The following CSMD1 variants were observed in gnomAD, a reference collection of about 807,000 sequenced individuals.
CSMD1 encodes the protein CUB and Sushi multiple domains 1, also known as CUB and sushi domain-containing protein 1.
In CSMD1, 213 loss-of-function variants were observed where a neutral mutation model predicts 417.5. That is an observed-to-expected ratio of 0.51 (90% CI 0.46 to 0.57). CSMD1 has a LOEUF of 0.57. Ranked by LOEUF, CSMD1 falls within the 20% of genes least tolerant of loss-of-function variation. The pLI is 0.00. For missense variants in CSMD1, 6,923 were observed against 4,529.7 expected, an observed-to-expected ratio of 1.53 and a Z score of -15.17; for synonymous variants, 2,862 against 1,736.8, an observed-to-expected ratio of 1.65 and a Z score of -16.11.
chr8:3,797,390 T>G (rs113074246), intron 5 of CSMD1, among the ~76,000 whole-genome samples: 2 of 151,976 alleles, frequency 1.3e-5, no homozygotes, highest in Admixed American at 6.6e-5. Context: ...ATAAAACATT[T>G]TCATCAATAT....
At chr8:4,578,040 A>G (rs1799219836) in intron 2 of CSMD1, among the ~76,000 whole-genome samples, 1 of 152,152 alleles carries the variant, frequency 6.6e-6, no homozygotes, top group African/African-American at 2.4e-5. Flanking sequence ...AGGACTGTGT[A>G]CTCATTAATG....
At chr8:4,550,120 C>T (rs562520360) in intron 2 of CSMD1, among the ~76,000 whole-genome samples, 1 of 151,724 alleles carries the variant, frequency 6.6e-6, no homozygotes, top group Non-Finnish European at 1.5e-5. Flanking sequence ...GACTTTTCCC[C>T]AGTTCTCCTT....
chr8:4,462,075 G>A (rs181690350), intron 2 of CSMD1, among the ~76,000 whole-genome samples: 2 of 151,626 alleles, frequency 1.3e-5, no homozygotes, highest in African/African-American at 4.8e-5. Flanking sequence ...AAGTCTCACT[G>A]TGTTGCACAG....
At chr8:3,122,001 T>A (rs1585405399) in intron 41 of CSMD1, among the ~76,000 whole-genome samples, 1 of 152,276 alleles carries the variant, frequency 6.6e-6, no homozygotes, top group Admixed American at 6.5e-5. Flanking sequence ...AAAATGTAAT[T>A]GCGGTTTTTG....
At chr8:3,317,003 G>A (rs533489364) in intron 23 of CSMD1, among the ~76,000 whole-genome samples, 2 of 152,238 alleles carry the variant, frequency 1.3e-5, no homozygotes, top group African/African-American at 2.4e-5. Context: ...GTGTGTGCGT[G>A]GATGAAGCAT....
intron 5 of CSMD1, among the ~76,000 whole-genome samples, chr8:3,957,070 C>CG (rs1161404711): frequency 5.9e-5 from 9 of 152,020 alleles, no homozygotes; most frequent in Non-Finnish European, 1.0e-4. Flanking sequence ...ACAAAAACGC[C>CG]GGGGGAGGCT....
intron 49 of CSMD1, among the ~76,000 whole-genome samples, chr8:3,072,527 T>C (rs1352390063): frequency 6.6e-6 from 1 of 152,170 alleles, no homozygotes; most frequent in Non-Finnish European, 1.5e-5. Context: ...ATGGTCAAAA[T>C]ACTTGGAAGA....
At chr8:3,229,455 G>T (rs993374250) in intron 27 of CSMD1, among the ~76,000 whole-genome samples, 5 of 152,056 alleles carry the variant, frequency 3.3e-5, no homozygotes, top group Non-Finnish European at 1.5e-5. Flanking sequence ...GTGATAAATT[G>T]TCTCAGGTGG....
Position 3,685,741 on chromosome 8 carries a change from A to G in CSMD1, c.1009+22673T>C, listed in dbSNP as rs548990646. 1.4e-4 allele frequency among the ~76,000 whole-genome samples: 21 copies of G among 150,696 alleles called. No homozygotes were observed. In the East Asian group the frequency reaches 3.1e-3, roughly 23 times the overall value. On this transcript the variant is annotated intron_variant, in intron 7 of 69. Transcript: ENST00000635120. The stretch of plus-strand genomic sequence containing the variant: ...AGGGTCAATTTCTTTCTTTTTTTTT[A>G]TAACATGTTTTATTGCTTTATTTTT...
intron 3 of CSMD1, among the ~76,000 whole-genome samples, chr8:4,376,067 A>G (rs1221525830): frequency 6.6e-6 from 1 of 152,210 alleles, no homozygotes; most frequent in Admixed American, 6.5e-5. Context: ...GCTAGAGAAG[A>G]AAATTTCCAT....
intron 37 of CSMD1, among the ~76,000 whole-genome samples, chr8:3,166,282 G>C (rs1468714557): frequency 6.6e-6 from 1 of 152,086 alleles, no homozygotes; most frequent in African/African-American, 2.4e-5. Flanking sequence ...TGTAATCCAG[G>C]CACTTTGGGA....
rs1803537876 is a variant in CSMD1, at chr8:4,883,415, T to C, written c.85+110917A>G. The stretch of plus-strand genomic sequence containing the variant: ...TTCAGTATATTGAAATGCAAGATCA[T>C]CACCACTCTCTCATTTTGAACATTT... On this transcript the variant is annotated intron_variant, in intron 1 of 69. Transcript: ENST00000635120. 2.0e-5 allele frequency among the ~76,000 whole-genome samples: 3 copies of C among 152,182 alleles called. No individual in the cohort carries two copies. The South Asian group carries it at 6.2e-4, about 32-fold the overall frequency.
rs552795140 is a variant in CSMD1 at position 3,337,174 on chromosome 8, C to T, written c.3631+6120G>A. Among the ~76,000 whole-genome samples, 12 of 152,224 alleles carry T rather than the reference C, an allele frequency of 7.9e-5. No homozygotes were observed. The South Asian group carries it at 1.0e-3, about 13-fold the overall frequency. The stretch of plus-strand genomic sequence containing the variant: ...AGTACATGACTCTGCCACAAACCAA[C>T]GCAACGACTCGCCCTATCCCCATCT... On this transcript the variant is annotated intron_variant, in intron 23 of 69. Transcript: ENST00000635120.
At chr8:3,788,385 A>G (rs1452256086) in intron 5 of CSMD1, among the ~76,000 whole-genome samples, 1 of 152,154 alleles carries the variant, frequency 6.6e-6, no homozygotes, top group Non-Finnish European at 1.5e-5. Context: ...AGCAGCCTTC[A>G]TTGGTCACAG....
intron 3 of CSMD1, among the ~76,000 whole-genome samples, chr8:4,321,354 G>T (rs374083815): frequency 6.6e-6 from 1 of 152,010 alleles, no homozygotes; most frequent in Non-Finnish European, 1.5e-5. Context: ...CCTCTCCCGC[G>T]CTGGCAGTTA....
chr8:4,004,075 G>C (rs1036467672), intron 4 of CSMD1, among the ~76,000 whole-genome samples: 5 of 152,236 alleles, frequency 3.3e-5, no homozygotes, highest in African/African-American at 9.6e-5. Context: ...TGTCTGATCT[G>C]TGAAAAAGCA....
intron 1 of CSMD1, among the ~76,000 whole-genome samples, chr8:4,784,744 T>A (rs997431552): frequency 1.3e-5 from 2 of 152,180 alleles, no homozygotes; most frequent in Non-Finnish European, 2.9e-5. Context: ...TTAAATGAAG[T>A]CATATCTGCA....
chr8:4,445,076 G>C (rs1044333568), intron 2 of CSMD1, among the ~76,000 whole-genome samples: 1 of 152,256 alleles, frequency 6.6e-6, no homozygotes, highest in East Asian at 1.9e-4. Context: ...AAAACTACAT[G>C]TTTAACATGT....
chr8:4,859,112 C>T (rs1563608618), intron 1 of CSMD1, among the ~76,000 whole-genome samples: 2 of 152,092 alleles, frequency 1.3e-5, no homozygotes, highest in Admixed American at 6.5e-5. Context: ...AATAATGTCA[C>T]ATATCTGCAA....
Sources: gnomAD v4.1 joint callset for allele counts (sites outside exome capture counted in the v4.1 genomes callset) on GRCh38, gnomAD v4.1.1 for gene constraint, MANE v1.5 for transcripts, NCBI Gene and HGNC (gene_info 2026-07-23, HGNC 2026-07-21) for gene names.